PABPC4L: variants seen among roughly 807,000 people sequenced by gnomAD.
PABPC4L encodes the protein poly(A) binding protein cytoplasmic 4 like, also known as polyadenylate-binding protein 4-like.
For synonymous variants in PABPC4L, 169 were observed against 164.1 expected (o/e 1.03, Z -0.23); for missense variants, 452 against 451.4 (o/e 1.00, Z -0.01).
At chr4:134,194,009 T>C (rs1469690246), downstream of PABPC4L, among the ~76,000 whole-genome samples, 1 of 151,918 alleles carries the variant, frequency 6.6e-6, no homozygotes, top group Admixed American at 6.6e-5. Flanking sequence ...GGCGATATAT[T>C]GGCTTAGTAG....
At chr4:134,160,868 A>G in the PABPC4L span, among the ~76,000 whole-genome samples, 1 of 152,014 alleles carries the variant, frequency 6.6e-6, no homozygotes, top group Non-Finnish European at 1.5e-5. Context: ...AAATCAAAAA[A>G]ATATATAAAG....
the PABPC4L span, among the ~76,000 whole-genome samples, chr4:134,147,540 A>T: frequency 2.6e-5 from 4 of 152,290 alleles, 1 homozygote; most frequent in South Asian, 8.3e-4. Context: ...TAACATTTGT[A>T]TAAATTTACT....
the PABPC4L span, among the ~76,000 whole-genome samples, chr4:133,966,554 C>T: frequency 1.3e-5 from 2 of 152,110 alleles, no homozygotes; most frequent in Admixed American, 6.5e-5. Context: ...TGGAACCAAC[C>T]CAAATGCCCA....
chr4:134,097,440 A>G, the PABPC4L span, among the ~76,000 whole-genome samples: 1 of 151,864 alleles, frequency 6.6e-6, no homozygotes, highest in Admixed American at 6.6e-5. Context: ...TCGCAGACCA[A>G]TCAACTACCT....
At chr4:134,176,700 A>T in the PABPC4L span, among the ~76,000 whole-genome samples, 2 of 152,066 alleles carry the variant, frequency 1.3e-5, no homozygotes, top group South Asian at 4.1e-4. Flanking sequence ...CAGAGGGGAG[A>T]AAAGCTGGGT....
the PABPC4L span, among the ~76,000 whole-genome samples, chr4:134,145,148 A>G: frequency 6.6e-6 from 1 of 151,858 alleles, no homozygotes; most frequent in Non-Finnish European, 1.5e-5. Context: ...TGAAAATAAT[A>G]CTACACTCTG....
At chr4:134,147,761 T>C in the PABPC4L span, among the ~76,000 whole-genome samples, 2 of 151,194 alleles carry the variant, frequency 1.3e-5, no homozygotes, top group Non-Finnish European at 3.0e-5. Context: ...GTTGTTGTTG[T>C]TGTTGTTGTT....
rs1729845192 is a variant in PABPC4L, at chr4:134,200,867, C to T, written c.153G>A (p.Leu51=). Residue 51 remains leucine, a synonymous_variant, in exon 2 of 2, where the codon CTG becomes CTA. Coordinates refer to ENST00000421491, the MANE Select transcript of PABPC4L (RefSeq NM_001114734.2). ...GCAAGAAGTTCACGTAGGCATAGCC[C>T]AGAGAGCGGCGGGTGACCTGGTCCC... The part of the protein sequence containing the change: ...ICRDQVTRRS[L]GYAYVNFLQL... 2.5e-6 allele frequency: 4 copies of T among 1,575,566 alleles called. No homozygotes were observed. The South Asian group carries it at 4.7e-5, about 18-fold the overall frequency.
the PABPC4L span, among the ~76,000 whole-genome samples, chr4:134,048,512 C>T: frequency 3.4e-4 from 52 of 152,084 alleles, no homozygotes; most frequent in Non-Finnish European, 5.9e-5. Context: ...TCATTCTTCA[C>T]AGGTGAGGGT....
At chr4:133,972,381 A>C in the PABPC4L span, among the ~76,000 whole-genome samples, 7 of 152,136 alleles carry the variant, frequency 4.6e-5, no homozygotes, top group African/African-American at 1.7e-4. Flanking sequence ...CCTTGGACAG[A>C]TATAGCAAAT....
the PABPC4L span, among the ~76,000 whole-genome samples, chr4:134,031,120 A>T: frequency 3.5e-4 from 53 of 152,178 alleles, no homozygotes; most frequent in Middle Eastern, 3.4e-3. Flanking sequence ...CTAATTTCAT[A>T]ACAAGAAGGT....
chr4:133,960,682 C>T, the PABPC4L span, among the ~76,000 whole-genome samples: 1 of 152,082 alleles, frequency 6.6e-6, no homozygotes, highest in Non-Finnish European at 1.5e-5. Context: ...AGTACTCAAC[C>T]CTGATTGCCC....
At chr4:133,957,797 CT>C in the PABPC4L span, among the ~76,000 whole-genome samples, 1 of 152,204 alleles carries the variant, frequency 6.6e-6, no homozygotes, top group Non-Finnish European at 1.5e-5. Flanking sequence ...ACTGCCAAAG[CT>C]TGGGGTTTGC....
the PABPC4L span, among the ~76,000 whole-genome samples, chr4:134,021,746 C>T: frequency 2.9e-4 from 44 of 152,192 alleles, no homozygotes; most frequent in African/African-American, 1.0e-3. Context: ...AAATGAGCCA[C>T]CATATCATAT....
chr4:134,016,861 C>T, the PABPC4L span, among the ~76,000 whole-genome samples: 3 of 152,114 alleles, frequency 2.0e-5, no homozygotes, highest in East Asian at 5.8e-4. Context: ...CCTTTCCTAC[C>T]CATCAAGCTC....
chr4:134,036,112 A>G, the PABPC4L span, among the ~76,000 whole-genome samples: 2 of 151,998 alleles, frequency 1.3e-5, no homozygotes, highest in Non-Finnish European at 2.9e-5. Flanking sequence ...ATCAGTAGAC[A>G]TTATGTTAGT....
At chr4:133,981,226 G>T in the PABPC4L span, among the ~76,000 whole-genome samples, 7 of 151,980 alleles carry the variant, frequency 4.6e-5, no homozygotes, top group African/African-American at 1.7e-4. Flanking sequence ...TAACTTTTAT[G>T]TCATTGGTTT....
the PABPC4L span, among the ~76,000 whole-genome samples, chr4:133,983,924 A>T: frequency 1.3e-5 from 2 of 151,896 alleles, no homozygotes; most frequent in African/African-American, 4.8e-5. Context: ...AATATTGACT[A>T]ATCATTAATC....
the PABPC4L span, among the ~76,000 whole-genome samples, chr4:134,164,982 T>A: frequency 6.6e-6 from 1 of 152,108 alleles, no homozygotes; most frequent in East Asian, 1.9e-4. Flanking sequence ...AGCCAAATAC[T>A]TATAACCAAC....
Sources: allele counts gnomAD v4.1 joint callset (sites outside exome capture counted in the v4.1 genomes callset), GRCh38; gene constraint gnomAD v4.1.1; transcripts MANE v1.5; gene names NCBI Gene and HGNC (gene_info 2026-07-23, HGNC 2026-07-21).